Variants in DRC8 observed in about 807,000 individuals in gnomAD.
The protein encoded by DRC8 is dynein regulatory complex protein 8.
At chr1:244,970,812 A>C in the DRC8 span, 205,868 of 339,800 alleles carry the variant, frequency 0.61, 65,713 homozygotes, top group South Asian at 0.72. Context: ...CGGGCCTTGC[A>C]TCCTGCGCGG....
chr1:245,002,110 C>T, the DRC8 span: 3 of 1,590,642 alleles, frequency 1.9e-6, no homozygotes, highest in East Asian at 4.5e-5. Context: ...CATGTGTCTC[C>T]TTTATGCTAG....
At chr1:245,111,839 C>T in the DRC8 span, among the ~76,000 whole-genome samples, 1 of 152,022 alleles carries the variant, frequency 6.6e-6, no homozygotes, top group Non-Finnish European at 1.5e-5. Context: ...AGTTCAAGAC[C>T]AGCCTGGGAA....
At chr1:245,110,158 G>A in the DRC8 span, among the ~76,000 whole-genome samples, 4 of 152,156 alleles carry the variant, frequency 2.6e-5, no homozygotes, top group African/African-American at 9.6e-5. Context: ...GGAGGCAGGC[G>A]GATCACTTGA....
the DRC8 span, among the ~76,000 whole-genome samples, chr1:245,047,037 C>G: frequency 6.6e-6 from 1 of 152,174 alleles, no homozygotes; most frequent in African/African-American, 2.4e-5. Context: ...TCTGAAAAGC[C>G]ATCTCTCTTC....
chr1:244,993,260 C>T, the DRC8 span, among the ~76,000 whole-genome samples: 4 of 152,206 alleles, frequency 2.6e-5, no homozygotes, highest in African/African-American at 9.6e-5. Context: ...ATCTCAGAGG[C>T]TGGCTACCAC....
At chr1:245,104,331 T>C in the DRC8 span, among the ~76,000 whole-genome samples, 21 of 151,974 alleles carry the variant, frequency 1.4e-4, no homozygotes, top group African/African-American at 4.8e-4. Context: ...TGGCAAAACC[T>C]CGTCTCTACT....
At chr1:245,089,891 G>A in the DRC8 span, among the ~76,000 whole-genome samples, 1 of 152,172 alleles carries the variant, frequency 6.6e-6, no homozygotes, top group Non-Finnish European at 1.5e-5. This position sits in a 1 kb window ranked among gnomAD's most constrained non-coding sequence, Gnocchi z 4.8. Flanking sequence ...CAACGCTTGT[G>A]GTCCCTACCT....
At chr1:245,099,162 A>G in the DRC8 span, among the ~76,000 whole-genome samples, 4 of 152,212 alleles carry the variant, frequency 2.6e-5, no homozygotes, top group Admixed American at 2.6e-4. Context: ...ACTGTTGAAC[A>G]CCAAAACTGG....
At chr1:245,059,481 A>C in the DRC8 span, 1 of 1,600,594 alleles carries the variant, frequency 6.2e-7, no homozygotes, top group Non-Finnish European at 8.5e-7. Context: ...AAAAGGTTTC[A>C]TTCAGCCAGC....
the DRC8 span, among the ~76,000 whole-genome samples, chr1:245,006,753 G>A: frequency 6.6e-6 from 1 of 152,088 alleles, no homozygotes; most frequent in Non-Finnish European, 1.5e-5. Flanking sequence ...GGGCAGCATG[G>A]CAAAAACCTG....
At chr1:245,087,380 T>G in the DRC8 span, 4 of 1,564,784 alleles carry the variant, frequency 2.6e-6, no homozygotes, top group Non-Finnish European at 3.4e-6. Context: ...AGATAATTTC[T>G]GATTGAAAGA....
At chr1:245,082,260 T>G in the DRC8 span, 27 of 1,084,356 alleles carry the variant, frequency 2.5e-5, no homozygotes, top group Non-Finnish European at 3.6e-5. Context: ...TGTGTTATAC[T>G]CAAGCAGTGT....
chr1:245,034,213 T>C, the DRC8 span, among the ~76,000 whole-genome samples: 43,445 of 152,020 alleles, frequency 0.29, 6,441 homozygotes, highest in Middle Eastern at 0.36. Context: ...AAAGTCTATA[T>C]AAAAAAAGCC....
the DRC8 span, among the ~76,000 whole-genome samples, chr1:245,059,972 T>C: frequency 6.6e-6 from 1 of 152,182 alleles, no homozygotes; most frequent in Non-Finnish European, 1.5e-5. Flanking sequence ...ATGAGAGTGC[T>C]TCATGCTCTG....
the DRC8 span, among the ~76,000 whole-genome samples, chr1:245,070,059 A>G: frequency 2.4e-4 from 36 of 152,144 alleles, no homozygotes; most frequent in Non-Finnish European, 4.1e-4. Context: ...TAAAAAATAA[A>G]CCAATAAAGT....
At chr1:245,083,847 T>TG in the DRC8 span, 2 of 1,056,100 alleles carry the variant, frequency 1.9e-6, no homozygotes, top group Non-Finnish European at 2.6e-6. Flanking sequence ...TTCTGTTCTG[T>TG]GGGGGTTAAG....
the DRC8 span, chr1:245,017,155 A>T: frequency 1.0e-5 from 13 of 1,264,334 alleles, no homozygotes; most frequent in African/African-American, 2.0e-4. Context: ...ATGCTTACTT[A>T]TTAAGATTGC....
the DRC8 span, chr1:245,107,383 C>G: frequency 6.6e-6 from 1 of 152,418 alleles, no homozygotes; most frequent in African/African-American, 2.4e-5. Flanking sequence ...TTAATAAACA[C>G]TAAGTTAATC....
chr1:245,074,294 G>T, the DRC8 span, among the ~76,000 whole-genome samples: 1 of 152,168 alleles, frequency 6.6e-6, no homozygotes, highest in African/African-American at 2.4e-5. Context: ...TCTGAGTGGG[G>T]TTGAAGAGTA....
Sources: gnomAD v4.1 joint callset for allele counts (sites outside exome capture counted in the v4.1 genomes callset) on GRCh38, gnomAD v4.1.1 for gene constraint, Gnocchi (gnomAD v3.1) non-coding constraint, MANE v1.5 for transcripts, NCBI Gene and HGNC (gene_info 2026-07-23, HGNC 2026-07-21) for gene names.